SLC39A14: variants seen among roughly 807,000 people sequenced by gnomAD.
The protein encoded by SLC39A14 is solute carrier family 39 member 14, also known as metal cation symporter ZIP14.
Under a neutral mutation model 45.5 loss-of-function variants are expected in SLC39A14, and 19 were observed. That is an observed-to-expected ratio of 0.42 (90% CI 0.29 to 0.61). SLC39A14 has a LOEUF of 0.61. Among genes scored for constraint, SLC39A14 ranks in the 20% least tolerant of loss-of-function variants. The probability of loss-of-function intolerance (pLI) is 0.22; values close to 1 mark genes in which losing one functional copy is unlikely to be tolerated. For missense variants in SLC39A14, 447 were observed against 616.5 expected, an observed-to-expected ratio of 0.73 and a Z score of 2.91; for synonymous variants, 264 against 251.3, an observed-to-expected ratio of 1.05 and a Z score of -0.48.
At chr8:22,373,720 T>G (rs907861390) in intron 1 of SLC39A14, among the ~76,000 whole-genome samples, 1 of 152,078 alleles carries the variant, frequency 6.6e-6, no homozygotes, top group Admixed American at 6.6e-5. Context: ...AGTCAGACAT[T>G]TTTCTTTGCA....
At chr8:22,432,893 T>A (rs1018204788) in intron 8 of SLC39A14, among the ~76,000 whole-genome samples, 2 of 150,438 alleles carry the variant, frequency 1.3e-5, no homozygotes, top group African/African-American at 4.9e-5. Context: ...CCTCAGGTGA[T>A]CCACCCACCT....
chr8:22,409,785 G>A (rs867218844), intron 3 of SLC39A14, among the ~76,000 whole-genome samples: 3 of 152,174 alleles, frequency 2.0e-5, no homozygotes, highest in African/African-American at 4.8e-5. Context: ...AGGCTTCTCC[G>A]CAGCATCTGG....
At chr8:22,425,960 C>T (rs1365627762), downstream of SLC39A14, among the ~76,000 whole-genome samples, 2 of 148,676 alleles carry the variant, frequency 1.3e-5, no homozygotes, top group African/African-American at 4.9e-5. Flanking sequence ...GGTGCGATCT[C>T]GGCTCACCGC....
rs558714234 is a variant in SLC39A14, at chr8:22,389,070, C to A, written c.-15-15626C>A. On this transcript the variant is annotated intron_variant, in intron 1 of 8. Coordinates refer to ENST00000381237, the MANE Select transcript of SLC39A14 (RefSeq NM_001128431.4). ...GGGCCGGCGCTGAGCAGCGGCGCTT[C>A]TTACCTGTTTTGGTTAAGAGATCTG... Among the ~76,000 whole-genome samples the A allele has an allele frequency of 3.3e-5, 5 of 152,308 alleles. No homozygotes were observed. In the East Asian group the frequency reaches 7.7e-4, roughly 24 times the overall value.
chr8:22,419,799 C>G lies in SLC39A14; in HGVS notation c.*101C>G, dbSNP rs1005668739. 1 of 1,456,856 alleles carries G rather than the reference C, an allele frequency of 6.9e-7. No homozygotes were observed. Among genetic ancestry groups the G allele is most frequent in the African/African-American group, 1.4e-5 (1 of 70,528 alleles). The allele number at this position is 1,456,856 out of a possible 1,614,324, so 90.2% of individuals were successfully genotyped here. A position where few individuals can be genotyped will look rare whatever the true frequency, so the allele number is the denominator to read the frequency against. ...ACAATGCACCACGGAAGAGGCCGTT[C>G]TATGAAAAACTGACACAGACTGTAT... is the stretch of plus-strand genomic sequence containing the variant. On this transcript the variant is annotated 3_prime_UTR_variant, in exon 9 of 9. Coordinates refer to ENST00000381237, the MANE Select transcript of SLC39A14 (RefSeq NM_001128431.4).
intron 1 of SLC39A14, among the ~76,000 whole-genome samples, chr8:22,373,495 T>G (rs976756279): frequency 2.6e-5 from 4 of 152,144 alleles, no homozygotes; most frequent in East Asian, 3.8e-4. Flanking sequence ...TATATTATAT[T>G]ATACCCTAAA....
chr8:22,405,786 G>A (rs1487766426), intron 2 of SLC39A14, among the ~76,000 whole-genome samples: 1 of 151,798 alleles, frequency 6.6e-6, no homozygotes, highest in Non-Finnish European at 1.5e-5. Context: ...TGGAACGCCA[G>A]GTCTTTGGAT....
At chr8:22,408,623 G>T in intron 3 of SLC39A14, 127 bp downstream of exon 3, 6 of 852,216 alleles carry the variant, frequency 7.0e-6, no homozygotes, top group Non-Finnish European at 1.1e-5. Context: ...GAGGTTGTCG[G>T]TGTCAGGAGC....
Position 22,417,833 on chromosome 8 carries a change from A to C in SLC39A14, c.1330A>C (p.Met444Leu). 1 of 1,613,372 alleles carries C rather than the reference A, an allele frequency of 6.2e-7. No homozygotes were observed. Among genetic ancestry groups the C allele is most frequent in the Non-Finnish European group, 8.5e-7 (1 of 1,179,880 alleles). Reference protein sequence around the residue: ...GMFLYISLADMFPEMNEVCQE... With the variant: ...GMFLYISLADLFPEMNEVCQE... ...GTTCTTGTATATTTCTCTGGCTGAT[A>C]TGGTAAGTGTTCCACAGTTCACTGG... Residue 444 changes from methionine to leucine, a missense_variant and splice_region_variant, in exon 8 of 9, where the codon ATG (methionine) becomes CTG (leucine). Physicochemically the swap from Met to Leu is conservative, Grantham distance 15. Around this residue, in one of 2 missense-constraint regions of SLC39A14, gnomAD observed 105 missense variants for 188.4 expected, o/e 0.56. Transcript: ENST00000381237.
chr8:22,405,731 G>A (rs1188250708), intron 2 of SLC39A14, among the ~76,000 whole-genome samples: 1 of 152,192 alleles, frequency 6.6e-6, no homozygotes, highest in South Asian at 2.1e-4. Flanking sequence ...TTTTATAGGA[G>A]AGGACACCGA....
In SLC39A14 at chr8:22,405,627, G is replaced by A. The variant is rs1835168204; in HGVS notation, c.270+647G>A. On this transcript the variant is annotated intron_variant, in intron 2 of 8. Transcript: ENST00000381237. ...ACTGAGAAAACACGGCTCCCAGGAC[G>A]GTATTTCTCATAGAGTTTACCATTG... Among the ~76,000 whole-genome samples, 5 of 151,844 alleles carry A rather than the reference G, an allele frequency of 3.3e-5. No homozygotes were observed. In the South Asian group the frequency reaches 6.2e-4, roughly 19 times the overall value.
chr8:22,419,504 A>C, intron 8 of SLC39A14, 48 bp from the exon 9 acceptor site: 1 of 1,561,582 alleles, frequency 6.4e-7, no homozygotes, highest in Non-Finnish European at 8.7e-7. Context: ...CTGGACTTAC[A>C]AGATGAAGAA....
chr8:22,419,942 C>T lies in SLC39A14; in HGVS notation c.*244C>T, dbSNP rs913904145. ...TCCTCACCTCCTTTTCTCTCAGTGA[C>T]TCTGGAACCTGAATGCAGCTTACAA... is the stretch of plus-strand genomic sequence containing the variant. On this transcript the variant is annotated 3_prime_UTR_variant, in exon 9 of 9. Coordinates refer to ENST00000381237, the MANE Select transcript of SLC39A14 (RefSeq NM_001128431.4). 6 of 1,204,278 alleles carry T rather than the reference C, an allele frequency of 5.0e-6. No homozygotes were observed. Among genetic ancestry groups the T allele is most frequent in the Non-Finnish European group, 5.2e-6 (5 of 968,606 alleles). The allele number at this position is 1,204,278 out of a possible 1,614,324, so 74.6% of individuals were successfully genotyped here.
chr8:22,412,806 TG>T (rs1397065016), intron 4 of SLC39A14, among the ~76,000 whole-genome samples: 6 of 152,004 alleles, frequency 3.9e-5, no homozygotes, highest in Non-Finnish European at 8.8e-5. Flanking sequence ...TAGCCAGACG[TG>T]GTAGCGCACG....
intron 1 of SLC39A14, among the ~76,000 whole-genome samples, chr8:22,381,350 A>C (rs1446702414): frequency 6.6e-6 from 1 of 150,828 alleles, no homozygotes; most frequent in Non-Finnish European, 1.5e-5. Context: ...GGCTCACGGC[A>C]AGCTCCGCCT....
intron 8 of SLC39A14, among the ~76,000 whole-genome samples, chr8:22,430,814 A>G (rs371161029): frequency 1.1e-4 from 16 of 151,884 alleles, no homozygotes; most frequent in African/African-American, 2.9e-4. Flanking sequence ...TTGGGATTAC[A>G]AGCCTGTGCC....
chr8:22,377,002 G>T (rs547949222), intron 1 of SLC39A14, among the ~76,000 whole-genome samples: 253 of 152,188 alleles, frequency 1.7e-3, no homozygotes, highest in Non-Finnish European at 2.9e-3. Flanking sequence ...CCTAATTTTA[G>T]CACCCATCTG....
rs1836233308 is a variant in SLC39A14 at position 22,421,614 on chromosome 8, T to C, written c.*1916T>C. The C allele has an allele frequency of 1.0e-6, 1 of 985,758 alleles. No individual in the cohort carries two copies. The highest frequency in any genetic ancestry group is 6.2e-5 in the Admixed American group (1 of 16,258). The allele number at this position is 985,758 out of a possible 1,614,324, so 61.1% of individuals were successfully genotyped here. A position where few individuals can be genotyped will look rare whatever the true frequency, so the allele number is the denominator to read the frequency against. On this transcript the variant is annotated 3_prime_UTR_variant, in exon 9 of 9. Transcript: ENST00000381237. ...TTCTTTGTCTTTTCTGTTTTATTTT[T>C]CTCAAGCTGCTTTCAGGAGCTAGCA...
chr8:22,433,617 C>T (rs1286219554), intron 8 of SLC39A14, among the ~76,000 whole-genome samples: 6 of 148,010 alleles, frequency 4.1e-5, no homozygotes, highest in Non-Finnish European at 8.9e-5. Flanking sequence ...GATCTTGGCT[C>T]ACTGCAGCCT....
Sources: gnomAD v4.1 joint callset for allele counts (sites outside exome capture counted in the v4.1 genomes callset) on GRCh38, gnomAD v4.1.1 for gene constraint, gnomAD v4.1.1 regional missense constraint, MANE v1.5 for transcripts, NCBI Gene and HGNC (gene_info 2026-07-23, HGNC 2026-07-21) for gene names.